DMXL2: variants seen among roughly 807,000 people sequenced by gnomAD.
DMXL2 encodes Dmx like 2.
DMXL2 carries 103 observed loss-of-function variants against 331.1 expected under a neutral mutation model. The ratio of observed to expected loss-of-function variants is 0.31; its 90% CI spans 0.27 to 0.37. The LOEUF is 0.37. Among genes scored for constraint, DMXL2 ranks in the 10% least tolerant of loss-of-function variants. The pLI is 1.00. For missense variants in DMXL2, 3,171 were observed against 3,642.9 expected, an observed-to-expected ratio of 0.87 and a Z score of 3.33; for synonymous variants, 1,281 against 1,252.1, an observed-to-expected ratio of 1.02 and a Z score of -0.49.
chr15:51,507,665 G>C (rs967610033), intron 15 of DMXL2, among the ~76,000 whole-genome samples: 1 of 152,082 alleles, frequency 6.6e-6, no homozygotes, highest in South Asian at 2.1e-4. Context: ...GAAGGAAGCG[G>C]GGTGCTGAGC....
intron 2 of DMXL2, among the ~76,000 whole-genome samples, chr15:51,574,233 AAGAAAAGAC>A (rs1024693578): frequency 1.3e-5 from 2 of 152,166 alleles, no homozygotes; most frequent in Non-Finnish European, 2.9e-5. Context: ...CATACCTGGT[AAGAAAAGAC>A]ATAAATCCCT....
chr15:51,508,774 A>T (rs1316075688), intron 15 of DMXL2, among the ~76,000 whole-genome samples: 2 of 152,256 alleles, frequency 1.3e-5, no homozygotes, highest in Non-Finnish European at 2.9e-5. Flanking sequence ...TTCCAAAAAG[A>T]ACTGTTTTTC....
At chr15:51,600,187 C>T (rs1450043131) in intron 1 of DMXL2, among the ~76,000 whole-genome samples, 4 of 152,178 alleles carry the variant, frequency 2.6e-5, no homozygotes, top group Admixed American at 2.6e-4. Context: ...CTCAGTCACC[C>T]TTGACACAGT....
chr15:51,494,972 G>A (rs1169309361), intron 19 of DMXL2, 52 bp downstream of exon 19: 11 of 1,299,214 alleles, frequency 8.5e-6, no homozygotes, highest in Admixed American at 1.7e-5. Flanking sequence ...ACACCCCATC[G>A]CTCCAATATT....
rs780439797 is a variant in DMXL2, at chr15:51,536,724, C to T, written c.1756G>A (p.Val586Ile). ...GGCTGTGATCCGTGAGGACTGCCTA[C>T]AGACATCCCCTCCTGGTGTAACAGC... ...HTLLHQEGMSVGSPHGSQPHS... is the reference protein window; with the variant it reads ...HTLLHQEGMSIGSPHGSQPHS... Residue 586 changes from valine to isoleucine, a missense_variant, in exon 12 of 44, where the codon GTA (valine) becomes ATA (isoleucine). Val to Ile is a conservative substitution (Grantham distance 29). Around this residue, in one of 7 missense-constraint regions of DMXL2, gnomAD observed 1,674 missense variants for 1,780.2 expected, o/e 0.94. Transcript: ENST00000560891. The T allele has an allele frequency of 3.7e-6, 6 of 1,613,966 alleles. No individual in the cohort carries two copies. Among genetic ancestry groups the T allele is most frequent in the Admixed American group, 1.7e-5 (1 of 59,976 alleles).
In DMXL2 at chr15:51,580,928, G is replaced by C. The variant is rs544765135; in HGVS notation, c.88-4747C>G. Among the ~76,000 whole-genome samples, 13 of 151,366 alleles carry C rather than the reference G, an allele frequency of 8.6e-5. No homozygotes were observed. In the South Asian group the frequency reaches 2.7e-3, roughly 31 times the overall value. On this transcript the variant is annotated intron_variant, in intron 1 of 43. Coordinates refer to ENST00000560891, the MANE Select transcript of DMXL2 (RefSeq NM_001378457.1). ...TGAAACTAAAAGTTTTCAACCTGAA[G>C]TCTAATAGACATAAGTCATAGATGG...
chr15:51,576,383 A>G (rs2051045254), intron 1 of DMXL2, among the ~76,000 whole-genome samples: 1 of 152,244 alleles, frequency 6.6e-6, no homozygotes, highest in South Asian at 2.1e-4. Context: ...CACTCCATGC[A>G]TTATCATTCA....
rs143228963 is a variant in DMXL2, at chr15:51,601,062, C to T, written c.87+21397G>A. Reference sequence around the variant, plus strand: ...ATCCCAGCACTTTGGGAGACCGAGGCGGGCGGATCACAAGGTCAGGATATT... The same window carrying T: ...ATCCCAGCACTTTGGGAGACCGAGGTGGGCGGATCACAAGGTCAGGATATT... On this transcript the variant is annotated intron_variant, in intron 1 of 43. Transcript: ENST00000560891. 2.4e-4 allele frequency among the ~76,000 whole-genome samples: 36 copies of T among 152,116 alleles called. No homozygotes were observed. In the East Asian group the frequency reaches 5.6e-3, roughly 24 times the overall value.
intron 23 of DMXL2, among the ~76,000 whole-genome samples, chr15:51,483,056 G>A (rs1321953455): frequency 6.6e-6 from 1 of 152,134 alleles, no homozygotes; most frequent in African/African-American, 2.4e-5. Flanking sequence ...TTGCAGAGGG[G>A]AAAAGGTAAA....
At chr15:51,540,931 C>T (rs1263396932) in intron 9 of DMXL2, among the ~76,000 whole-genome samples, 3 of 152,118 alleles carry the variant, frequency 2.0e-5, no homozygotes, top group Non-Finnish European at 4.4e-5. Flanking sequence ...CTCTGTGATC[C>T]TATTCCATCT....
At chr15:51,580,052 G>A (rs1350974661) in intron 1 of DMXL2, among the ~76,000 whole-genome samples, 1 of 152,106 alleles carries the variant, frequency 6.6e-6, no homozygotes, top group Non-Finnish European at 1.5e-5. Flanking sequence ...GATCCTGTTG[G>A]TGCTAGAAGG....
At chr15:51,459,798 T>A in intron 33 of DMXL2, 138 bp from the exon 34 acceptor site, 3 of 1,204,714 alleles carry the variant, frequency 2.5e-6, no homozygotes, top group East Asian at 5.8e-5. Flanking sequence ...CAAGAAAAAA[T>A]TAAACCGAAT....
chr15:51,502,781 C>A (rs2043766981), intron 17 of DMXL2, 25 bp downstream of exon 17: 1 of 1,520,916 alleles, frequency 6.6e-7, no homozygotes, highest in Non-Finnish European at 9.1e-7. Flanking sequence ...TGAGCTACCA[C>A]TGCCCAGTCT....
chr15:51,458,543 T>G lies in DMXL2; in HGVS notation c.8161A>C (p.Ile2721Leu). 2 of 1,613,946 alleles carry G rather than the reference T, an allele frequency of 1.2e-6. No homozygotes were observed. The highest frequency in any genetic ancestry group is 2.2e-5 in the South Asian group (2 of 91,068). The change falls in exon 36 of 44, where the codon ATA becomes CTA. Residue 2721 changes from isoleucine (I) to leucine (L), a missense_variant. Coordinates refer to ENST00000560891, the MANE Select transcript of DMXL2 (RefSeq NM_001378457.1). Reference sequence around the variant, plus strand: ...CTGTCATATTCTTCTCCGATCCATATGTATGACTGACAGGCCAGTAGAGAA... The same window carrying G: ...CTGTCATATTCTTCTCCGATCCATAGGTATGACTGACAGGCCAGTAGAGAA... ...VTSLLACQSY[I>L]WIGEEYDRES...
intron 19 of DMXL2, among the ~76,000 whole-genome samples, chr15:51,493,979 T>C (rs2042985073): frequency 6.6e-6 from 1 of 152,192 alleles, no homozygotes; most frequent in Non-Finnish European, 1.5e-5. Flanking sequence ...CTTCTGGGAA[T>C]GTAAATGAGC....
At chr15:51,514,371 T>C in intron 15 of DMXL2, 71 bp downstream of exon 15, 1 of 873,148 alleles carries the variant, frequency 1.1e-6, no homozygotes, top group South Asian at 1.7e-5. Flanking sequence ...TGAAGATCCA[T>C]ACTCAGTGAA....
chr15:51,490,482 C>T (rs751072212), intron 20 of DMXL2, among the ~76,000 whole-genome samples: 2 of 152,164 alleles, frequency 1.3e-5, no homozygotes, highest in Non-Finnish European at 2.9e-5. Flanking sequence ...CCAGGGAATT[C>T]CAAAGGACTA....
chr15:51,622,717 CA>C lies in DMXL2; in HGVS notation c.-173del. The C allele has an allele frequency of 3.8e-6, 5 of 1,301,558 alleles. No homozygotes were observed. Among genetic ancestry groups the C allele is most frequent in the Non-Finnish European group, 5.1e-6 (5 of 984,556 alleles). 80.6% of individuals were successfully genotyped at this position (1,301,558 alleles called of 1,614,324 possible). ...CGCCTTCCCTCCGCCTCGTCCCTGC[CA>C]TGGGAGCTCCTCGACCGCCGCCGCC... On this transcript the variant is annotated 5_prime_UTR_variant, in exon 1 of 44. An upstream start codon of the reference 5' UTR is lost. Transcript: ENST00000560891.
intron 13 of DMXL2, among the ~76,000 whole-genome samples, chr15:51,533,115 T>A (rs1291274227): frequency 1.3e-5 from 2 of 152,164 alleles, no homozygotes; most frequent in East Asian, 3.8e-4. Context: ...TGTATAAACC[T>A]AACAAAACAT....
Sources: gnomAD v4.1 joint callset for allele counts (sites outside exome capture counted in the v4.1 genomes callset) on GRCh38, gnomAD v4.1.1 for gene constraint, gnomAD v4.1.1 regional missense constraint, MANE v1.5 for transcripts, NCBI Gene and HGNC (gene_info 2026-07-23, HGNC 2026-07-21) for gene names.